COL6A5: variants seen among roughly 807,000 people sequenced by gnomAD.
The protein encoded by COL6A5 is collagen type VI alpha 5 chain.
Under a neutral mutation model 65.6 loss-of-function variants are expected in COL6A5, and 48 were observed. The observed-to-expected ratio is 0.73, with a 90% CI of 0.58 to 0.93. The LOEUF (loss-of-function observed/expected upper bound fraction) is 0.93, where lower values mean the gene tolerates loss of function less well. Ranked by LOEUF, COL6A5 falls within the 40% of genes least tolerant of loss-of-function variation. The pLI is 0.00. For missense variants in COL6A5, 914 were observed against 928.3 expected (o/e 0.98, Z 0.20); for synonymous variants, 291 against 322.8 (o/e 0.90, Z 1.05).
At chr3:130,391,625 A>C in exon 7 of COL6A5, 1 of 1,551,710 alleles carries the variant, frequency 6.4e-7, no homozygotes, top group Non-Finnish European at 8.7e-7. Context: ...GGGTGTAGGA[A>C]AGGCCAACCA....
chr3:130,473,781 G>A (rs967454797), intron 7 of COL6A5, among the ~76,000 whole-genome samples: 2 of 152,102 alleles, frequency 1.3e-5, no homozygotes, highest in East Asian at 1.9e-4. Context: ...CTGACCAATC[G>A]TTACCTCCTC....
At chr3:130,353,723 GA>G (rs11396453) in intron 1 of COL6A5, among the ~76,000 whole-genome samples, 2 of 149,974 alleles carry the variant, frequency 1.3e-5, no homozygotes, top group South Asian at 2.1e-4. Flanking sequence ...TAAAATTTCT[GA>G]AAAAAAAAGA....
chr3:130,397,876 C>T lies in COL6A5; in HGVS notation c.3862C>T (p.Arg1288Trp), dbSNP rs915176448. The T allele has an allele frequency of 2.3e-5, 36 of 1,551,530 alleles. No homozygotes were observed. The highest frequency in any genetic ancestry group is 8.3e-5 in the South Asian group (7 of 84,060). The change falls in exon 9 of 42, where the codon CGG (arginine) becomes TGG (tryptophan). Residue 1288 changes from arginine to tryptophan, a missense_variant and NMD_transcript_variant. Transcript: ENST00000312481. ...AACTCATCTGAACGCACAGTTCTTG[C>T]GGTCTCTTTGGGACACATTTAAGGA...
chr3:130,355,275 A>G (rs1217146907), intron 1 of COL6A5, among the ~76,000 whole-genome samples: 3 of 152,198 alleles, frequency 2.0e-5, no homozygotes, highest in Non-Finnish European at 2.9e-5. Flanking sequence ...CAAGAATTAC[A>G]CTTCTTGAAA....
At chr3:130,473,234 A>G (rs1196922927) in intron 7 of COL6A5, among the ~76,000 whole-genome samples, 3 of 152,016 alleles carry the variant, frequency 2.0e-5, no homozygotes, top group South Asian at 2.1e-4. Flanking sequence ...GGGCTCTGAA[A>G]AGTAAGCAAA....
At chr3:130,376,498 T>C (rs1182195633) in exon 3 of COL6A5, 1 of 1,605,126 alleles carries the variant, frequency 6.2e-7, no homozygotes, top group Non-Finnish European at 8.5e-7. Flanking sequence ...TCCCTGCAGA[T>C]AGGAAAGGCT....
At chr3:130,450,963 A>G (rs1247834389) in intron 4 of COL6A5, among the ~76,000 whole-genome samples, 2 of 152,232 alleles carry the variant, frequency 1.3e-5, no homozygotes, top group East Asian at 3.9e-4. Flanking sequence ...TCTGACCACC[A>G]GGTATGAAAT....
rs1323476672 is a variant in COL6A5, at chr3:130,410,525, G to T, written c.4662+1G>T. 4 of 1,550,038 alleles carry T rather than the reference G, an allele frequency of 2.6e-6. No homozygotes were observed. Among genetic ancestry groups the T allele is most frequent in the Admixed American group, 2.0e-5 (1 of 50,974 alleles). On this transcript the variant is annotated splice_donor_variant and NMD_transcript_variant, in intron 20 of 41. Coordinates refer to the COL6A5 transcript ENST00000312481. ...CAGTCCTAGTTCCAGAGGCAGCAGG[G>T]TAAGTATTTCTGTGGACATTTATTT... is the stretch of plus-strand genomic sequence containing the variant.
intron 1 of COL6A5, among the ~76,000 whole-genome samples, chr3:130,350,381 CA>C (rs1934657437): frequency 6.6e-6 from 1 of 152,204 alleles, no homozygotes; most frequent in African/African-American, 2.4e-5. Context: ...TCCCTGTTTG[CA>C]GATGAAATGA....
chr3:130,472,832 C>CACATATATATATATATATAT (rs1553760928), intron 7 of COL6A5, among the ~76,000 whole-genome samples: 4 of 99,404 alleles, frequency 4.0e-5, no homozygotes, highest in African/African-American at 1.6e-4. Context: ...TGTGTGTATA[C>CACATATATATATATATATAT]ATATATATAT....
At chr3:130,358,301 A>G (rs980040087) in intron 1 of COL6A5, among the ~76,000 whole-genome samples, 1 of 152,190 alleles carries the variant, frequency 6.6e-6, no homozygotes, top group Admixed American at 6.5e-5. Context: ...AGGTATATAC[A>G]TTGAGAAAGG....
chr3:130,443,522 A>T (rs1387557985), exon 4 of COL6A5: 4 of 1,611,466 alleles, frequency 2.5e-6, no homozygotes, highest in Non-Finnish European at 3.4e-6. Context: ...ATGCCTGTAG[A>T]CTCATCAATT....
chr3:130,410,350 G>T, intron 19 of COL6A5, 121 bp from the exon 20 acceptor site: 1 of 734,450 alleles, frequency 1.4e-6, no homozygotes, highest in South Asian at 1.8e-5. Flanking sequence ...TATGCAGAAT[G>T]ATCACAGCAT....
At chr3:130,365,427 G>A (rs943455566) in intron 1 of COL6A5, among the ~76,000 whole-genome samples, 3 of 152,122 alleles carry the variant, frequency 2.0e-5, no homozygotes, top group Non-Finnish European at 4.4e-5. Context: ...ACAGGCGCCC[G>A]CTACTACGCC....
At chr3:130,377,360 T>C (rs1935824346) in intron 3 of COL6A5, among the ~76,000 whole-genome samples, 1 of 152,238 alleles carries the variant, frequency 6.6e-6, no homozygotes, top group Non-Finnish European at 1.5e-5. Flanking sequence ...GATAAAGAAA[T>C]AGGATCACTG....
At chr3:130,442,548 G>A (rs1406748369) in intron 3 of COL6A5, among the ~76,000 whole-genome samples, 1 of 152,098 alleles carries the variant, frequency 6.6e-6, no homozygotes, top group Non-Finnish European at 1.5e-5. Flanking sequence ...CACCCAATTC[G>A]CTGCCTTCCC....
chr3:130,405,555 A>C, intron 13 of COL6A5, 33 bp from the exon 14 acceptor site: 7 of 1,516,082 alleles, frequency 4.6e-6, no homozygotes, highest in Non-Finnish European at 6.3e-6. Flanking sequence ...CAAAAACATC[A>C]CTTTGGGTAC....
chr3:130,396,102 G>A (rs9859195), intron 8 of COL6A5, among the ~76,000 whole-genome samples: 1 of 152,112 alleles, frequency 6.6e-6, no homozygotes, highest in Non-Finnish European at 1.5e-5. Flanking sequence ...AAACAATGAT[G>A]CATCTCACAG....
intron 5 of COL6A5, among the ~76,000 whole-genome samples, chr3:130,458,259 A>G (rs1268368337): frequency 6.6e-6 from 1 of 152,150 alleles, no homozygotes; most frequent in Non-Finnish European, 1.5e-5. Context: ...AGCTCATTAT[A>G]AGCACAGATT....
Sources: allele counts gnomAD v4.1 joint callset (sites outside exome capture counted in the v4.1 genomes callset), GRCh38; gene constraint gnomAD v4.1.1; transcripts MANE v1.5; gene names NCBI Gene and HGNC (gene_info 2026-07-23, HGNC 2026-07-21).